Variants in CADM2 observed in about 807,000 individuals in gnomAD.
CADM2 encodes cell adhesion molecule 2, also known as immunoglobulin superfamily member 4D.
In CADM2, 12 loss-of-function variants were observed where a neutral mutation model predicts 49.8. The observed-to-expected ratio is 0.24, with a 90% CI of 0.15 to 0.39. The LOEUF (loss-of-function observed/expected upper bound fraction) is 0.39. CADM2 is among the 10% of genes least tolerant of loss of function. CADM2 has a pLI of 1.00. For synonymous variants in CADM2, 214 were observed against 175.4 expected, an observed-to-expected ratio of 1.22 and a Z score of -1.74; for missense variants, 378 against 492.3, an observed-to-expected ratio of 0.77 and a Z score of 2.20.
intron 3 of CADM2, among the ~76,000 whole-genome samples, chr3:85,872,404 T>C (rs1315907319): frequency 6.6e-6 from 1 of 152,166 alleles, no homozygotes; most frequent in Non-Finnish European, 1.5e-5. Context: ...TTATTGTGAA[T>C]TTCACATGTG....
chr3:85,118,735 T>G (rs1328814339), intron 1 of CADM2, among the ~76,000 whole-genome samples: 2 of 152,118 alleles, frequency 1.3e-5, no homozygotes. Context: ...TGTTGTCCAT[T>G]TATTTATATT....
At chr3:85,732,604 A>G (rs2067979162) in intron 2 of CADM2, among the ~76,000 whole-genome samples, 1 of 152,174 alleles carries the variant, frequency 6.6e-6, no homozygotes, top group South Asian at 2.1e-4. Flanking sequence ...TTATTAAGAT[A>G]TATTACTGCA....
At position 85,757,978 on chromosome 3, in the gene CADM2, G is replaced by C. The variant is rs535580932; in HGVS notation, c.88+31430G>C. Among the ~76,000 whole-genome samples, 5 of 152,242 alleles carry C rather than the reference G, an allele frequency of 3.3e-5. No homozygotes were observed. In the South Asian group the frequency reaches 1.0e-3, roughly 32 times the overall value. On this transcript the variant is annotated intron_variant, in intron 2 of 9. Coordinates refer to ENST00000383699, the MANE Select transcript of CADM2 (RefSeq NM_001167675.2). ...TGTGCAGAGGATGTAAAGTACCACA[G>C]ACCAACAGATGGAAAAGTGTAAAGT...
At chr3:85,574,017 T>C (rs1329955948) in intron 1 of CADM2, among the ~76,000 whole-genome samples, 2 of 152,204 alleles carry the variant, frequency 1.3e-5, no homozygotes, top group African/African-American at 4.8e-5. Context: ...GTCCAATGTA[T>C]CCATGAGACA....
chr3:85,843,819 G>A (rs1383332111), intron 3 of CADM2, among the ~76,000 whole-genome samples: 1 of 151,756 alleles, frequency 6.6e-6, no homozygotes, highest in Non-Finnish European at 1.5e-5. Context: ...GTTAGACAAT[G>A]TTCCAAATAG....
intron 8 of CADM2, among the ~76,000 whole-genome samples, chr3:86,033,171 C>G (rs545442965): frequency 6.6e-6 from 1 of 151,934 alleles, no homozygotes; most frequent in Admixed American, 6.6e-5. Context: ...GAAGACAGAC[C>G]TACACACCAC....
chr3:85,767,674 A>C (rs1302462756), intron 2 of CADM2, among the ~76,000 whole-genome samples: 1 of 152,168 alleles, frequency 6.6e-6, no homozygotes, highest in Non-Finnish European at 1.5e-5. Context: ...AAAATGCTAA[A>C]TGTGGCATTA....
chr3:85,334,892 C>A (rs1041555137), intron 1 of CADM2, among the ~76,000 whole-genome samples: 3 of 151,140 alleles, frequency 2.0e-5, no homozygotes, highest in Admixed American at 6.6e-5. Flanking sequence ...TAATATGAAA[C>A]TAGACCCCCA....
chr3:84,990,398 A>T (rs1158460532), intron 1 of CADM2, among the ~76,000 whole-genome samples: 1 of 151,752 alleles, frequency 6.6e-6, no homozygotes, highest in Admixed American at 6.6e-5. Context: ...AATAACTGGG[A>T]TATCACTAGA....
chr3:85,072,575 G>C (rs2036794729), intron 1 of CADM2, among the ~76,000 whole-genome samples: 1 of 152,024 alleles, frequency 6.6e-6, no homozygotes, highest in African/African-American at 2.4e-5. Flanking sequence ...TATAGTTTCT[G>C]CTCTTCTGTT....
At chr3:85,407,860 C>A (rs1206607302) in intron 1 of CADM2, among the ~76,000 whole-genome samples, 1 of 151,580 alleles carries the variant, frequency 6.6e-6, no homozygotes, top group Non-Finnish European at 1.5e-5. Flanking sequence ...CAAACAAAAA[C>A]TAGCCTGGCA....
At chr3:85,268,928 T>C (rs2043176191) in intron 1 of CADM2, among the ~76,000 whole-genome samples, 1 of 151,378 alleles carries the variant, frequency 6.6e-6, no homozygotes, top group Non-Finnish European at 1.5e-5. Context: ...TACATTATTA[T>C]TACTAGTTTG....
At chr3:85,052,427 T>C (rs547255365) in intron 1 of CADM2, among the ~76,000 whole-genome samples, 1 of 152,120 alleles carries the variant, frequency 6.6e-6, no homozygotes, top group South Asian at 2.1e-4. Flanking sequence ...GTTTGATAAC[T>C]GTTTGCTTGA....
At chr3:85,111,168 G>C (rs2038443650) in intron 1 of CADM2, among the ~76,000 whole-genome samples, 1 of 151,590 alleles carries the variant, frequency 6.6e-6, no homozygotes, top group South Asian at 2.1e-4. Flanking sequence ...AAATCATATA[G>C]GTATGAAAAA....
chr3:85,027,742 C>A (rs1276092177), intron 1 of CADM2, among the ~76,000 whole-genome samples: 1 of 151,964 alleles, frequency 6.6e-6, no homozygotes, highest in Non-Finnish European at 1.5e-5. Context: ...AATATTTAAT[C>A]TTCTAGTGGA....
At chr3:85,238,817 A>G (rs575384989) in intron 1 of CADM2, among the ~76,000 whole-genome samples, 11 of 152,056 alleles carry the variant, frequency 7.2e-5, no homozygotes, top group East Asian at 1.9e-4. Context: ...ACGAATATAC[A>G]TATCAAAGTA....
At chr3:85,251,861 G>A (rs1027838645) in intron 1 of CADM2, among the ~76,000 whole-genome samples, 1 of 151,972 alleles carries the variant, frequency 6.6e-6, no homozygotes, top group African/African-American at 2.4e-5. Flanking sequence ...GAAAGACATT[G>A]AGAGGCTCTT....
chr3:85,854,515 A>C (rs746389608), intron 3 of CADM2, among the ~76,000 whole-genome samples: 5 of 152,192 alleles, frequency 3.3e-5, no homozygotes, highest in Non-Finnish European at 7.3e-5. Flanking sequence ...AATTCTCAGC[A>C]AACTAACAGA....
chr3:85,771,607 G>A (rs537526695), intron 2 of CADM2, among the ~76,000 whole-genome samples: 1 of 152,040 alleles, frequency 6.6e-6, no homozygotes, highest in South Asian at 2.1e-4. Flanking sequence ...CTAGAAAAAT[G>A]TATCCATAGA....
Sources: gnomAD v4.1 joint callset for allele counts (sites outside exome capture counted in the v4.1 genomes callset) on GRCh38, gnomAD v4.1.1 for gene constraint, MANE v1.5 for transcripts, NCBI Gene and HGNC (gene_info 2026-07-23, HGNC 2026-07-21) for gene names.